The following CHODL variants were observed in gnomAD, a reference collection of about 807,000 sequenced individuals.
CHODL encodes transmembrane protein MT75.
Under a neutral mutation model 34.5 loss-of-function variants are expected in CHODL, and 29 were observed. The ratio of observed to expected loss-of-function variants is 0.84; its 90% CI spans 0.63 to 1.15. The LOEUF (loss-of-function observed/expected upper bound fraction) is 1.15. CHODL is among the 50% of genes most tolerant of loss of function. The probability of loss-of-function intolerance (pLI) is 0.00; values close to 1 mark genes in which losing one functional copy is unlikely to be tolerated. For synonymous variants in CHODL, 125 were observed against 116.1 expected (o/e 1.08, Z -0.49); for missense variants, 332 against 332.5 (o/e 1.00, Z 0.01).
intron 2 of CHODL, among the ~76,000 whole-genome samples, chr21:18,194,752 T>C (rs954628845): frequency 6.6e-6 from 1 of 152,148 alleles, no homozygotes; most frequent in African/African-American, 2.4e-5. Flanking sequence ...TACTTATCAT[T>C]TTTCGTTGTG....
intron 2 of CHODL, among the ~76,000 whole-genome samples, chr21:18,124,416 G>C (rs1324658295): frequency 6.6e-6 from 1 of 152,120 alleles, no homozygotes; most frequent in Non-Finnish European, 1.5e-5. Context: ...TGCTGACCTT[G>C]TGCTTAGAAA....
intron 2 of CHODL, among the ~76,000 whole-genome samples, chr21:18,044,681 G>T (rs1292067995): frequency 1.2e-4 from 18 of 151,746 alleles, no homozygotes. Context: ...TTACAATATA[G>T]TTGATTATAT....
At position 18,256,989 on chromosome 21, in the gene CHODL, C is replaced by G. The variant is rs141516829; in HGVS notation, c.409C>G (p.Pro137Ala). 1 of 1,613,078 alleles carries G rather than the reference C, an allele frequency of 6.2e-7. No individual in the cohort carries two copies. Among genetic ancestry groups the G allele is most frequent in the African/African-American group, 1.3e-5 (1 of 74,882 alleles). ...TTGCAGAAACTGGTACACAGATGAA[C>G]CTTCCTGCGGAAGTGAAAAGTGTGT... ...SQYRNWYTDE[P>A]SCGSEKCVVM... Residue 137 changes from proline to alanine, a missense_variant, in exon 3 of 6, where the codon CCT (proline) becomes GCT (alanine). Physicochemically the swap from Pro to Ala is conservative, Grantham distance 27. Transcript: ENST00000299295.
At chr21:18,171,091 G>A (rs1054746063) in intron 2 of CHODL, among the ~76,000 whole-genome samples, 13 of 129,820 alleles carry the variant, frequency 1.0e-4, no homozygotes, top group African/African-American at 3.6e-4. Flanking sequence ...CAATTATTTT[G>A]GTAATTTATA....
At chr21:18,051,970 T>C (rs1243966198) in intron 2 of CHODL, among the ~76,000 whole-genome samples, 1 of 151,984 alleles carries the variant, frequency 6.6e-6, no homozygotes, top group Non-Finnish European at 1.5e-5. Context: ...GAGCATCTTA[T>C]GTAAATTTGA....
rs116551332 is a variant in CHODL at position 18,120,641 on chromosome 21, A to G, written c.-45+92670A>G. On this transcript the variant is annotated intron_variant, in intron 2 of 6. Coordinates refer to the CHODL transcript ENST00000400127. ...AAATGTGTGTGTACATATATACAAA[A>G]TATGTGTCTCTATGTCTATCTATAC... is the stretch of plus-strand genomic sequence containing the variant. 8.2e-3 allele frequency among the ~76,000 whole-genome samples: 1,242 copies of G among 152,262 alleles called. 17 individuals are homozygous for G. Among genetic ancestry groups the G allele is most frequent in the African/African-American group, 0.028 (1,181 of 41,580 alleles).
intron 1 of CHODL, among the ~76,000 whole-genome samples, chr21:17,937,506 G>A (rs2063328175): frequency 6.6e-6 from 1 of 152,152 alleles, no homozygotes; most frequent in African/African-American, 2.4e-5. Flanking sequence ...TACAGATTAG[G>A]TTATTTGCAC....
chr21:18,218,865 G>A (rs2073856325), intron 2 of CHODL, among the ~76,000 whole-genome samples: 1 of 152,232 alleles, frequency 6.6e-6, no homozygotes, highest in Non-Finnish European at 1.5e-5. Flanking sequence ...GACCACCTCA[G>A]CCTGGACTTC....
chr21:18,090,213 T>A (rs1022145175), intron 2 of CHODL, among the ~76,000 whole-genome samples: 6 of 152,168 alleles, frequency 3.9e-5, no homozygotes, highest in African/African-American at 1.4e-4. Context: ...ACATAAAACA[T>A]GGGCAAAACC....
At chr21:17,997,874 A>G (rs1219152445) in intron 1 of CHODL, among the ~76,000 whole-genome samples, 1 of 152,098 alleles carries the variant, frequency 6.6e-6, no homozygotes, top group Non-Finnish European at 1.5e-5. Flanking sequence ...ATGGGGACAC[A>G]GCCAAGCCGT....
rs79527431 is a variant in CHODL at position 17,989,806 on chromosome 21, C to T, written c.-144-38066C>T. On this transcript the variant is annotated intron_variant, in intron 1 of 6. Transcript: ENST00000400127. ...AAATAAATTGGTACTACGGACTAAA[C>T]AGTATTTGTCAAACTCGTTGATTGA... Among the ~76,000 whole-genome samples the T allele has an allele frequency of 2.1e-3, 314 of 152,264 alleles. 3 individuals are homozygous for T. The highest frequency in any genetic ancestry group is 7.4e-4 in the Non-Finnish European group (50 of 67,994).
At chr21:17,953,747 C>CA (rs1163215412) in intron 1 of CHODL, among the ~76,000 whole-genome samples, 1 of 152,104 alleles carries the variant, frequency 6.6e-6, no homozygotes, top group Non-Finnish European at 1.5e-5. Flanking sequence ...TGTGGTGGCT[C>CA]ACGCCTGTAA....
At chr21:18,115,275 G>A (rs2065398618) in intron 2 of CHODL, among the ~76,000 whole-genome samples, 1 of 152,260 alleles carries the variant, frequency 6.6e-6, no homozygotes, top group East Asian at 1.9e-4. Context: ...AAATAATCAG[G>A]ATCCTGTCTG....
chr21:18,145,518 G>A (rs1204203257), intron 2 of CHODL, among the ~76,000 whole-genome samples: 1 of 150,862 alleles, frequency 6.6e-6, no homozygotes, highest in Admixed American at 6.6e-5. Context: ...TGACCTGATA[G>A]GCATTAAAAA....
At chr21:18,216,285 A>G (rs1171139132) in intron 2 of CHODL, among the ~76,000 whole-genome samples, 1 of 152,202 alleles carries the variant, frequency 6.6e-6, no homozygotes, top group East Asian at 1.9e-4. Flanking sequence ...TGATGAGAAC[A>G]TACCAAATCT....
intron 1 of CHODL, among the ~76,000 whole-genome samples, chr21:17,952,215 A>AAAAAG (rs60941624): frequency 2.7e-5 from 4 of 149,064 alleles, no homozygotes; most frequent in Non-Finnish European, 6.0e-5. Context: ...AAAAAAAAAA[A>AAAAAG]GAAATAAACC....
chr21:18,208,480 C>G (rs992351297), intron 2 of CHODL, among the ~76,000 whole-genome samples: 1 of 151,828 alleles, frequency 6.6e-6, no homozygotes, highest in African/African-American at 2.4e-5. Flanking sequence ...CAGAATTGGT[C>G]CCTTATGTCT....
At chr21:17,939,159 A>G (rs973866262) in intron 1 of CHODL, among the ~76,000 whole-genome samples, 1 of 152,192 alleles carries the variant, frequency 6.6e-6, no homozygotes, top group Non-Finnish European at 1.5e-5. Context: ...TATAGGTACA[A>G]TGTTGTACAG....
intron 2 of CHODL, among the ~76,000 whole-genome samples, chr21:18,058,777 T>C (rs535969173): frequency 6.6e-6 from 1 of 152,316 alleles, no homozygotes; most frequent in African/African-American, 2.4e-5. Context: ...ATTTCAGCCT[T>C]ATGGTTTTCA....
Sources: allele counts gnomAD v4.1 joint callset (sites outside exome capture counted in the v4.1 genomes callset), GRCh38; gene constraint gnomAD v4.1.1; transcripts MANE v1.5; gene names NCBI Gene and HGNC (gene_info 2026-07-23, HGNC 2026-07-21).